The following IQGAP3 variants were observed in gnomAD, a reference collection of about 807,000 sequenced individuals.
IQGAP3 encodes IQ motif containing GTPase activating protein 3, also known as ras GTPase-activating-like protein IQGAP3.
In IQGAP3, 165 loss-of-function variants were observed where a neutral mutation model predicts 208.2. The observed-to-expected ratio is 0.79, with a 90% CI of 0.70 to 0.90. The LOEUF (loss-of-function observed/expected upper bound fraction) is 0.90, where lower values mean the gene tolerates loss of function less well. Ranked by LOEUF, IQGAP3 falls within the 40% of genes least tolerant of loss-of-function variation. The probability of loss-of-function intolerance (pLI) is 0.00; values close to 1 mark genes in which losing one functional copy is unlikely to be tolerated. For missense variants in IQGAP3, 1,811 were observed against 2,043.1 expected, an observed-to-expected ratio of 0.89 and a Z score of 2.19; for synonymous variants, 703 against 803.6, an observed-to-expected ratio of 0.87 and a Z score of 2.12.
chr1:156,539,286 C>A, intron 25 of IQGAP3, 88 bp downstream of exon 25: 1 of 1,265,820 alleles, frequency 7.9e-7, no homozygotes, highest in Non-Finnish European at 1.1e-6. Context: ...TACCCTTAGG[C>A]CTCAACAAGT....
Position 156,548,675 on chromosome 1 carries a change from C to T in IQGAP3, c.1899G>A (p.Arg633=), listed in dbSNP as rs373274226. 14 of 1,611,966 alleles carry T rather than the reference C, an allele frequency of 8.7e-6. No individual in the cohort carries two copies. The African/African-American group carries it at 1.5e-4, about 17-fold the overall frequency. Residue 633 remains arginine (R), a synonymous_variant, in exon 17 of 38, where the codon AGG becomes AGA. Transcript: ENST00000361170. ...GKAAQTERVL[R]NPAVALRGVV... ...CCCCTCGAAGGGCCACTGCGGGGTT[C>T]CTCAACACCCGCTCAGTCTGGGCTG... is the stretch of plus-strand genomic sequence containing the variant.
In IQGAP3 at chr1:156,548,065, C is replaced by G; in HGVS notation, c.2304+8G>C. On this transcript the variant is annotated splice_region_variant and intron_variant, in intron 19 of 37. Coordinates refer to ENST00000361170, the MANE Select transcript of IQGAP3 (RefSeq NM_178229.5). ...GCCCTGAAGACTGAGAAAGCCAGAGCCTGCCACCTGGATCTTGATGACTGC... is the reference window on the plus strand; with the variant it reads ...GCCCTGAAGACTGAGAAAGCCAGAGGCTGCCACCTGGATCTTGATGACTGC... 1.2e-6 allele frequency: 2 copies of G among 1,610,894 alleles called. No individual in the cohort carries two copies. The highest frequency in any genetic ancestry group is 1.7e-6 in the Non-Finnish European group (2 of 1,178,440).
At chr1:156,562,204 A>G (rs981906457) in intron 9 of IQGAP3, among the ~76,000 whole-genome samples, 6 of 151,684 alleles carry the variant, frequency 4.0e-5, no homozygotes, top group South Asian at 4.2e-4. Flanking sequence ...CCAGACCCCA[A>G]GGATATCCTC....
intron 33 of IQGAP3, 87 bp downstream of exon 33, chr1:156,531,073 G>A (rs143377614): frequency 1.1e-6 from 1 of 943,250 alleles, no homozygotes; most frequent in Non-Finnish European, 1.7e-6. Flanking sequence ...TGTGGGTGAG[G>A]TTCAGAGGAG....
Position 156,537,289 on chromosome 1 carries a change from G to A in IQGAP3, c.3314C>T (p.Ala1105Val), listed in dbSNP as rs374998272. The change falls in exon 27 of 38, where the codon GCC becomes GTC. Residue 1105 changes from alanine to valine, a missense_variant. Transcript: ENST00000361170. ...HLPYDVTPEQ[A>V]LSHPEVQRRL... ...TCTCTGGACCTCGGGGTGGCTCAAG[G>A]CCTGCTCCGGGGTGACATCATATGG... 6.2e-7 allele frequency: 1 copy of A among 1,613,980 alleles called. No individual in the cohort carries two copies. The highest frequency in any genetic ancestry group is 1.3e-5 in the African/African-American group (1 of 75,018).
chr1:156,539,186 T>C, intron 25 of IQGAP3, 153 bp from the exon 26 acceptor site: 2 of 826,826 alleles, frequency 2.4e-6, no homozygotes, highest in Non-Finnish European at 3.9e-6. Flanking sequence ...TGTGTTAGCA[T>C]GTCAGCCCAT....
chr1:156,527,346 C>T (rs12747719), intron 37 of IQGAP3, among the ~76,000 whole-genome samples: 37,971 of 151,344 alleles, frequency 0.25, 4,926 homozygotes, highest in East Asian at 0.39. Context: ...GGTGTGGTGG[C>T]GCACGCCTGT....
At chr1:156,529,473 TCTAA>T (rs747278504) in intron 34 of IQGAP3, among the ~76,000 whole-genome samples, 9 of 151,874 alleles carry the variant, frequency 5.9e-5, no homozygotes, top group Admixed American at 6.6e-5. Flanking sequence ...CACCTTCCTC[TCTAA>T]CTAATTTCAA....
At chr1:156,548,969 C>A (rs1420971718) in intron 16 of IQGAP3, among the ~76,000 whole-genome samples, 1 of 152,186 alleles carries the variant, frequency 6.6e-6, no homozygotes, top group East Asian at 1.9e-4. Flanking sequence ...TGAAGCACTC[C>A]TGAGGGAGGC....
rs548733563 is a variant in IQGAP3 at position 156,529,080 on chromosome 1, G to C, written c.4407C>G (p.Asp1469Glu). 1 of 1,614,032 alleles carries C rather than the reference G, an allele frequency of 6.2e-7. No individual in the cohort carries two copies. Among genetic ancestry groups the C allele is most frequent in the Non-Finnish European group, 8.5e-7 (1 of 1,179,882 alleles). The change falls in exon 35 of 38, where the codon GAC becomes GAG. Residue 1469 changes from aspartate to glutamate, a missense_variant and splice_region_variant. Physicochemically the swap from Asp to Glu is conservative, Grantham distance 45. Coordinates refer to ENST00000361170, the MANE Select transcript of IQGAP3 (RefSeq NM_178229.5). Reference sequence around the variant, plus strand: ...GCCTGTGTCTGTGCTGGTTGCGGATGTCCTGGGGTTGGGGAACAGATGGAG... The same window carrying C: ...GCCTGTGTCTGTGCTGGTTGCGGATCTCCTGGGGTTGGGGAACAGATGGAG... Reference protein sequence around the residue: ...YQGLVDELAKDIRNQHRHRHR... With the variant: ...YQGLVDELAKEIRNQHRHRHR...
At chr1:156,567,528 T>A (rs1336690840) in intron 2 of IQGAP3, among the ~76,000 whole-genome samples, 1 of 152,190 alleles carries the variant, frequency 6.6e-6, no homozygotes. Flanking sequence ...GAATATAAAG[T>A]ATTATTATTA....
At position 156,526,248 on chromosome 1, in the gene IQGAP3, G is replaced by A. The variant is rs2102340670; in HGVS notation, c.*238C>T. 1 of 524,634 alleles carries A rather than the reference G, an allele frequency of 1.9e-6. No individual in the cohort carries two copies. Among genetic ancestry groups the A allele is most frequent in the Admixed American group, 3.1e-5 (1 of 31,932 alleles). 32.5% of individuals were successfully genotyped at this position (524,634 alleles called of 1,614,324 possible). A position where few individuals can be genotyped will look rare whatever the true frequency, so the allele number is the denominator to read the frequency against. On this transcript the variant is annotated 3_prime_UTR_variant, in exon 38 of 38. Transcript: ENST00000361170. ...CATCTGGCAGGAAAGCCAGGGGTTT[G>A]TCATGCATGATAAAAGCCACACAGC...
chr1:156,537,352 G>A, intron 26 of IQGAP3, 31 bp from the exon 27 acceptor site: 1 of 1,581,816 alleles, frequency 6.3e-7, no homozygotes, highest in South Asian at 1.2e-5. Context: ...GGTGTAAGCA[G>A]GAGCCCCCTC....
At chr1:156,547,687 G>T (rs2102400195) in intron 19 of IQGAP3, among the ~76,000 whole-genome samples, 1 of 152,276 alleles carries the variant, frequency 6.6e-6, no homozygotes, top group South Asian at 2.1e-4. Context: ...TGACGATAAT[G>T]ATATAAATAG....
chr1:156,551,937 G>C, intron 14 of IQGAP3, 37 bp downstream of exon 14: 1 of 1,606,294 alleles, frequency 6.2e-7, no homozygotes, highest in Non-Finnish European at 8.5e-7. Context: ...GACTGCCTAA[G>C]TTGGGCCATC....
rs746828350 is a variant in IQGAP3, at chr1:156,538,995, T to C, written c.3095A>G (p.Asn1032Ser). The C allele has an allele frequency of 3.7e-6, 6 of 1,614,172 alleles. No individual in the cohort carries two copies. Among genetic ancestry groups the C allele is most frequent in the African/African-American group, 2.7e-5 (2 of 75,064 alleles). ...CACCACCAGCCTCACCACTGTTGGG[T>C]TGCCTGTCACCACGTCCTGGGGCTG... ...VEQPQDVVTG[N>S]PTVVRLVVRF... The change falls in exon 26 of 38, where the codon AAC becomes AGC. Residue 1032 changes from asparagine (N) to serine (S), a missense_variant. Physicochemically the swap from Asn to Ser is conservative, Grantham distance 46. Transcript: ENST00000361170.
chr1:156,568,218 T>G (rs1411073570), intron 2 of IQGAP3, among the ~76,000 whole-genome samples: 1 of 152,042 alleles, frequency 6.6e-6, no homozygotes, highest in Non-Finnish European at 1.5e-5. Context: ...TGGCTTTTTG[T>G]TTTTGTTTTT....
At chr1:156,551,624 C>A in intron 15 of IQGAP3, 81 bp downstream of exon 15, 1 of 1,406,312 alleles carries the variant, frequency 7.1e-7, no homozygotes, top group Non-Finnish European at 9.6e-7. Flanking sequence ...CAGAATAGAG[C>A]TCTGCCAGAC....
rs4661044 is a variant in IQGAP3 at position 156,533,078 on chromosome 1, C to T, written c.4005G>A (p.Thr1335=). 0.032 allele frequency: 51,776 copies of T among 1,613,938 alleles called. 984 individuals carry two copies. The highest frequency in any genetic ancestry group is 0.071 in the South Asian group (6,462 of 91,052). The change falls in exon 32 of 38, where the codon ACG becomes ACA. Residue 1335 remains threonine (T), a synonymous_variant. Coordinates refer to ENST00000361170, the MANE Select transcript of IQGAP3 (RefSeq NM_178229.5). The part of the protein sequence containing the change: ...IGESIAADGH[T]DLSKLEVSLT... ...GGGACACTTCTAGCTTGCTCAGGTC[C>T]GTGTGCCCATCTGCAGCGATGCTCT...
Sources: allele counts gnomAD v4.1 joint callset (sites outside exome capture counted in the v4.1 genomes callset), GRCh38; gene constraint gnomAD v4.1.1; transcripts MANE v1.5; gene names NCBI Gene and HGNC (gene_info 2026-07-23, HGNC 2026-07-21).